The following CACNA1A variants were observed in gnomAD, a reference collection of about 807,000 sequenced individuals.
CACNA1A encodes calcium voltage-gated channel subunit alpha1 A, also known as voltage-dependent P/Q-type calcium channel subunit alpha-1A.
In CACNA1A, 57 loss-of-function variants were observed where a neutral mutation model predicts 262.4. The ratio of observed to expected loss-of-function variants is 0.22; its 90% CI spans 0.18 to 0.27. The LOEUF is 0.27. Ranked by LOEUF, CACNA1A falls within the 10% of genes least tolerant of loss-of-function variation. The pLI is 1.00. For synonymous variants in CACNA1A, 1,431 were observed against 1,419.3 expected (o/e 1.01, Z -0.18); for missense variants, 2,526 against 3,562.8 (o/e 0.71, Z 7.41).
chr19:13,281,675 TG>T (rs1045875047), intron 22 of CACNA1A, among the ~76,000 whole-genome samples: 1 of 149,680 alleles, frequency 6.7e-6, no homozygotes, highest in Non-Finnish European at 1.5e-5. Context: ...AAGAAGGCGG[TG>T]GGGGTGGGGG....
At chr19:13,279,486 AT>A (rs1419718479) in intron 22 of CACNA1A, among the ~76,000 whole-genome samples, 1 of 151,692 alleles carries the variant, frequency 6.6e-6, no homozygotes, top group Non-Finnish European at 1.5e-5. Context: ...GCGTTCATTT[AT>A]TTTTTAATTT....
intron 24 of CACNA1A, chr19:13,275,036 G>A (rs1283767702): frequency 6.6e-6 from 1 of 151,750 alleles, no homozygotes; most frequent in Non-Finnish European, 1.5e-5. Context: ...CTGGAACTCA[G>A]GGGCCATCTT....
At chr19:13,271,214 GTTTTTTTTTTTTT>G (rs148308280) in intron 24 of CACNA1A, 2 of 80,438 alleles carry the variant, frequency 2.5e-5, no homozygotes, top group African/African-American at 5.3e-5. Context: ...TCATTCTGCT[GTTTTTTTTTTTTT>G]TTTTTTTTTT....
chr19:13,424,675 A>G (rs1356312710), intron 3 of CACNA1A, among the ~76,000 whole-genome samples: 1 of 152,064 alleles, frequency 6.6e-6, no homozygotes, highest in African/African-American at 2.4e-5. Context: ...GGGTCTTGCT[A>G]TGTTTCCCAG....
At chr19:13,449,784 C>T (rs80334914) in intron 3 of CACNA1A, among the ~76,000 whole-genome samples, 3,713 of 152,196 alleles carry the variant, frequency 0.024, 133 homozygotes, top group African/African-American at 0.084. Flanking sequence ...GAAAGTGCCC[C>T]TGGATGGGGG....
At chr19:13,416,046 G>C (rs1038279705) in intron 3 of CACNA1A, among the ~76,000 whole-genome samples, 1 of 152,148 alleles carries the variant, frequency 6.6e-6, no homozygotes, top group Non-Finnish European at 1.5e-5. Flanking sequence ...CCACCCACAA[G>C]GGATGATTAA....
intron 38 of CACNA1A, among the ~76,000 whole-genome samples, chr19:13,220,101 T>C (rs1358500988): frequency 6.6e-6 from 1 of 150,966 alleles, no homozygotes; most frequent in Non-Finnish European, 1.5e-5. Context: ...CTACTAAAAA[T>C]ACAAAAAAAT....
intron 1 of CACNA1A, among the ~76,000 whole-genome samples, chr19:13,477,555 G>C (rs1240428060): frequency 6.6e-6 from 1 of 152,230 alleles, no homozygotes; most frequent in Admixed American, 6.5e-5. Flanking sequence ...GCAGCAAACT[G>C]TCTGAATTCA....
At chr19:13,247,495 C>T (rs1253644843) in intron 30 of CACNA1A, among the ~76,000 whole-genome samples, 3 of 152,094 alleles carry the variant, frequency 2.0e-5, no homozygotes, top group Admixed American at 6.6e-5. Context: ...AGATCAAGAC[C>T]ATCCTGGATA....
chr19:13,504,444 C>T (rs1982767357), intron 1 of CACNA1A, among the ~76,000 whole-genome samples: 1 of 152,138 alleles, frequency 6.6e-6, no homozygotes, highest in Non-Finnish European at 1.5e-5. Context: ...AACCTCAGTG[C>T]CCTCTGTTGC....
rs913627217 is a variant in CACNA1A at position 13,298,376 on chromosome 19, G to A, written c.3089+168C>T. On this transcript the variant is annotated intron_variant, in intron 19 of 46. Coordinates refer to ENST00000360228, the MANE Select transcript of CACNA1A (RefSeq NM_001127222.2). ...GAACTCCTGACCTCGTGATCCATCC[G>A]CCTCGGCCTCCCAAAGTGCTGGGAT... Among the ~76,000 whole-genome samples the A allele has an allele frequency of 2.0e-5, 3 of 151,354 alleles. No homozygotes were observed. The East Asian group carries it at 5.8e-4, about 29-fold the overall frequency.
chr19:13,480,276 C>A (rs1396053087), intron 1 of CACNA1A, among the ~76,000 whole-genome samples: 1 of 152,172 alleles, frequency 6.6e-6, no homozygotes, highest in Non-Finnish European at 1.5e-5. Flanking sequence ...TCCTCCTCTT[C>A]TTCAGCCTAC....
intron 24 of CACNA1A, chr19:13,274,468 C>T (rs2057099432): frequency 6.6e-6 from 1 of 152,228 alleles, no homozygotes; most frequent in African/African-American, 2.4e-5. Context: ...CCCTGATTCT[C>T]TCACGATGGG....
At chr19:13,325,982 C>T (rs2058354051) in intron 10 of CACNA1A, among the ~76,000 whole-genome samples, 1 of 152,082 alleles carries the variant, frequency 6.6e-6, no homozygotes, top group Non-Finnish European at 1.5e-5. Flanking sequence ...CCAGGCTGTA[C>T]AAAATAGATC....
At chr19:13,464,840 G>A (rs888598039) in intron 1 of CACNA1A, among the ~76,000 whole-genome samples, 16 of 152,004 alleles carry the variant, frequency 1.1e-4, no homozygotes, top group Non-Finnish European at 2.2e-4. Context: ...GAGCCACTGC[G>A]CCCGGCCAAC....
chr19:13,209,690 C>T lies in CACNA1A; in HGVS notation c.6340-192G>A, dbSNP rs79459566. On this transcript the variant is annotated intron_variant, in intron 44 of 46. Transcript: ENST00000360228. Reference sequence around the variant, plus strand: ...AATCAGGGCTCTGGGTGTGGCCAGGCCTCTGAGGGTGGAGCCTGAGGATTC... The same window carrying T: ...AATCAGGGCTCTGGGTGTGGCCAGGTCTCTGAGGGTGGAGCCTGAGGATTC... 0.044 allele frequency among the ~76,000 whole-genome samples: 6,676 copies of T among 152,178 alleles called. 261 individuals carry two copies. Among genetic ancestry groups the T allele is most frequent in the South Asian group, 0.073 (352 of 4,830 alleles).
intron 3 of CACNA1A, among the ~76,000 whole-genome samples, chr19:13,434,722 C>A (rs558393362): frequency 6.6e-6 from 1 of 152,252 alleles, no homozygotes; most frequent in South Asian, 2.1e-4. Context: ...GTAGAGCCTG[C>A]AGAATCGTGA....
intron 12 of CACNA1A, among the ~76,000 whole-genome samples, chr19:13,309,940 C>G (rs910082323): frequency 6.6e-6 from 1 of 152,136 alleles, no homozygotes; most frequent in Non-Finnish European, 1.5e-5. Context: ...TTCATCACCC[C>G]CAAAGGAGGC....
At chr19:13,358,358 G>C (rs1477062706) in intron 6 of CACNA1A, among the ~76,000 whole-genome samples, 7 of 152,314 alleles carry the variant, frequency 4.6e-5, no homozygotes, top group African/African-American at 1.7e-4. Flanking sequence ...TTGAGCCCAG[G>C]AGTTCCAGAC....
Sources: gnomAD v4.1 joint callset for allele counts (sites outside exome capture counted in the v4.1 genomes callset) on GRCh38, gnomAD v4.1.1 for gene constraint, MANE v1.5 for transcripts, NCBI Gene and HGNC (gene_info 2026-07-23, HGNC 2026-07-21) for gene names.